The following PLEKHD1 variants were observed in gnomAD, a reference collection of about 807,000 sequenced individuals.
The protein encoded by PLEKHD1 is pleckstrin homology and coiled-coil domain containing D1, also known as pleckstrin homology domain-containing family D member 1.
Under a neutral mutation model 69.2 loss-of-function variants are expected in PLEKHD1, and 51 were observed. The ratio of observed to expected loss-of-function variants is 0.74; its 90% confidence interval spans 0.59 to 0.93. PLEKHD1 has a LOEUF of 0.93. Ranked by LOEUF, PLEKHD1 falls within the 40% of genes least tolerant of loss-of-function variation. The pLI, the probability that PLEKHD1 is intolerant of heterozygous loss-of-function variation, is 0.00. For synonymous variants in PLEKHD1, 236 were observed against 244.7 expected, an observed-to-expected ratio of 0.96 and a Z score of 0.33; for missense variants, 584 against 641.0, an observed-to-expected ratio of 0.91 and a Z score of 0.96.
Position 69,528,600 on chromosome 14 carries a change from C to G in PLEKHD1, c.*181C>G. ...CTCAAAGGACATGGACGCTGCCTTC[C>G]TCATCCTCACCCCACACCCCACCTT... On this transcript the variant is annotated 3_prime_UTR_variant, in exon 13 of 13. Coordinates refer to ENST00000322564, the MANE Select transcript of PLEKHD1 (RefSeq NM_001161498.2). 1 of 814,452 alleles carries G rather than the reference C, an allele frequency of 1.2e-6. No individual in the cohort carries two copies. The highest frequency in any genetic ancestry group is 1.9e-6 in the Non-Finnish European group (1 of 533,666). 50.5% of individuals were successfully genotyped at this position (814,452 alleles called of 1,614,324 possible).
chr14:69,478,417 A>C, the PLEKHD1 span, among the ~76,000 whole-genome samples: 1 of 152,342 alleles, frequency 6.6e-6, no homozygotes, highest in African/African-American at 2.4e-5. Context: ...TACTTATGCA[A>C]ATCTCCATAG....
chr14:69,485,310 G>C (rs915857614), intron 1 of PLEKHD1, among the ~76,000 whole-genome samples, 196 bp downstream of exon 1: 1 of 152,242 alleles, frequency 6.6e-6, no homozygotes, highest in Non-Finnish European at 1.5e-5. Flanking sequence ...TGGGGCCCCT[G>C]CCCTGGGGCG....
chr14:69,512,976 G>A lies in PLEKHD1; in HGVS notation c.556-9307G>A, dbSNP rs796775698. Among the ~76,000 whole-genome samples, 14 of 152,092 alleles carry A rather than the reference G, an allele frequency of 9.2e-5. 1 individual carries two copies. The highest frequency in any genetic ancestry group is 3.1e-4 in the African/African-American group (13 of 41,504). On this transcript the variant is annotated intron_variant, in intron 6 of 12. Coordinates refer to ENST00000322564, the MANE Select transcript of PLEKHD1 (RefSeq NM_001161498.2). The stretch of plus-strand genomic sequence containing the variant: ...ATAGTGGCATATGCCTGTAGTCCTC[G>A]CCACTCAGGAGGCTGAGGCAGGAGG...
intron 6 of PLEKHD1, among the ~76,000 whole-genome samples, chr14:69,515,824 T>C (rs1883372786): frequency 6.6e-6 from 1 of 152,196 alleles, no homozygotes; most frequent in African/African-American, 2.4e-5. Context: ...GTAATCTAAC[T>C]ACCTTCCACC....
At chr14:69,481,509 T>G (rs551060199), upstream of PLEKHD1, among the ~76,000 whole-genome samples, 12 of 152,268 alleles carry the variant, frequency 7.9e-5, no homozygotes, top group East Asian at 1.9e-4. Flanking sequence ...AGACTGCACT[T>G]CACTTCACAT....
chr14:69,502,595 G>T, intron 5 of PLEKHD1: 1 of 554,978 alleles, frequency 1.8e-6, no homozygotes, highest in African/African-American at 1.9e-5. Context: ...AACTTCCAAG[G>T]ATGAGGCCCC....
chr14:69,517,391 T>G (rs1370742796), intron 6 of PLEKHD1, among the ~76,000 whole-genome samples: 2 of 151,598 alleles, frequency 1.3e-5, no homozygotes, highest in Non-Finnish European at 1.5e-5. Context: ...TATAAGAGGA[T>G]GGAGCTCAAC....
At chr14:69,503,690 C>CAAAAAAAAAAAAAA (rs1164078389) in intron 6 of PLEKHD1, 1 of 45,988 alleles carries the variant, frequency 2.2e-5, no homozygotes, top group African/African-American at 7.6e-5. Context: ...GACTCCGTCT[C>CAAAAAAAAAAAAAA]AAAAAAAAAA....
At chr14:69,527,513 G>A (rs927261157) in intron 11 of PLEKHD1, among the ~76,000 whole-genome samples, 181 bp downstream of exon 11, 4 of 152,228 alleles carry the variant, frequency 2.6e-5, no homozygotes, top group African/African-American at 9.6e-5. Flanking sequence ...GCTTTCTTGT[G>A]GCTGTTGGAT....
Position 69,500,676 on chromosome 14 carries a change from G to C in PLEKHD1, c.333+10G>C. ...CCACCAGGACTTCCATGTGAGTAAA[G>C]CTCTTCCCTCAGCCTGGGCTCCGCA... is the stretch of plus-strand genomic sequence containing the variant. On this transcript the variant is annotated intron_variant, in intron 3 of 12. Transcript: ENST00000322564. 6.4e-7 allele frequency: 1 copy of C among 1,550,672 alleles called. No individual in the cohort carries two copies. The highest frequency in any genetic ancestry group is 8.7e-7 in the Non-Finnish European group (1 of 1,146,546).
intron 1 of PLEKHD1, among the ~76,000 whole-genome samples, chr14:69,498,727 A>G (rs1354817473): frequency 1.3e-5 from 2 of 150,768 alleles, no homozygotes; most frequent in Non-Finnish European, 3.0e-5. Flanking sequence ...GGCTCACTGC[A>G]ACCTCTGCAT....
At chr14:69,498,114 T>C (rs892177119) in intron 1 of PLEKHD1, among the ~76,000 whole-genome samples, 5 of 150,162 alleles carry the variant, frequency 3.3e-5, no homozygotes, top group African/African-American at 4.9e-5. Context: ...TTAGAGAGTC[T>C]TGCTCTGTCA....
the PLEKHD1 span, among the ~76,000 whole-genome samples, chr14:69,476,078 C>CA: frequency 6.6e-6 from 1 of 151,878 alleles, no homozygotes; most frequent in South Asian, 2.1e-4. Flanking sequence ...GCCAACATGG[C>CA]AAAATCCTGT....
At chr14:69,497,013 A>G (rs1287009602) in intron 1 of PLEKHD1, among the ~76,000 whole-genome samples, 1 of 152,134 alleles carries the variant, frequency 6.6e-6, no homozygotes, top group African/African-American at 2.4e-5. Context: ...TTGAGTCCAT[A>G]GTAGCATTTC....
At chr14:69,528,095 T>G (rs1405403855) in intron 12 of PLEKHD1, among the ~76,000 whole-genome samples, 155 bp from the exon 13 acceptor site, 1 of 152,096 alleles carries the variant, frequency 6.6e-6, no homozygotes, top group African/African-American at 2.4e-5. Context: ...GGCCCTGGGT[T>G]TCTCAAAGGA....
At chr14:69,484,491 A>G (rs1000246410), upstream of PLEKHD1, among the ~76,000 whole-genome samples, 19 of 151,810 alleles carry the variant, frequency 1.3e-4, no homozygotes, top group Non-Finnish European at 5.9e-5. Context: ...GGGGACGGGG[A>G]CGCGCTGCGG....
chr14:69,509,473 C>T (rs1883222145), intron 6 of PLEKHD1, among the ~76,000 whole-genome samples: 1 of 152,120 alleles, frequency 6.6e-6, no homozygotes, highest in South Asian at 2.1e-4. Flanking sequence ...GTAGACATCA[C>T]CTAGGTTGTC....
At chr14:69,483,992 C>T (rs959331295), upstream of PLEKHD1, among the ~76,000 whole-genome samples, 3 of 152,264 alleles carry the variant, frequency 2.0e-5, no homozygotes, top group Admixed American at 1.3e-4. Context: ...AGATAAATCA[C>T]GGACACACAC....
At chr14:69,506,977 A>C (rs1296139173) in intron 6 of PLEKHD1, among the ~76,000 whole-genome samples, 1 of 136,978 alleles carries the variant, frequency 7.3e-6, no homozygotes, top group Non-Finnish European at 1.5e-5. Flanking sequence ...ATCTCGGCTC[A>C]CTGCAACCTC....
Sources: gnomAD v4.1 joint callset for allele counts (sites outside exome capture counted in the v4.1 genomes callset) on GRCh38, gnomAD v4.1.1 for gene constraint, MANE v1.5 for transcripts, NCBI Gene and HGNC (gene_info 2026-07-23, HGNC 2026-07-21) for gene names.